AKAIN1: variants seen among roughly 807,000 people sequenced by gnomAD.
The protein encoded by AKAIN1 is A-kinase anchor protein inhibitor 1.
A neutral mutation model predicts 3.7 loss-of-function variants in AKAIN1; 3 were observed. The observed-to-expected ratio is 0.82, with a 90% confidence interval of 0.37 to 2.12. The LOEUF (loss-of-function observed/expected upper bound fraction) is 2.12, where lower values mean the gene tolerates loss of function less well. Among genes scored for constraint, AKAIN1 ranks in the 30% most tolerant of loss-of-function variants. The pLI is 0.06. For synonymous variants in AKAIN1, 31 were observed against 30.8 expected (o/e 1.01, Z -0.02); for missense variants, 82 against 82.7 (o/e 0.99, Z 0.03).
chr18:5,162,094 T>A (rs2071142781), intron 1 of AKAIN1, among the ~76,000 whole-genome samples: 1 of 152,040 alleles, frequency 6.6e-6, no homozygotes, highest in African/African-American at 2.4e-5. Flanking sequence ...CTGTATACTG[T>A]TAAAGAGATT....
intron 1 of AKAIN1, among the ~76,000 whole-genome samples, chr18:5,191,060 A>G (rs2071315526): frequency 6.6e-6 from 1 of 152,184 alleles, no homozygotes; most frequent in Non-Finnish European, 1.5e-5. Flanking sequence ...CAACAAAACA[A>G]AACTGCAGCT....
chr18:5,160,155 G>A (rs1014713641), intron 1 of AKAIN1, among the ~76,000 whole-genome samples: 1 of 152,120 alleles, frequency 6.6e-6, no homozygotes, highest in African/African-American at 2.4e-5. Flanking sequence ...GCTCAAATTC[G>A]CTAAGTATTG....
At chr18:5,183,475 T>C (rs545052876) in intron 1 of AKAIN1, among the ~76,000 whole-genome samples, 10 of 152,078 alleles carry the variant, frequency 6.6e-5, no homozygotes, top group Non-Finnish European at 1.0e-4. Context: ...TAAATGGTAA[T>C]GGAAAATCAG....
intron 1 of AKAIN1, among the ~76,000 whole-genome samples, chr18:5,161,143 T>C (rs947137226): frequency 1.3e-5 from 2 of 152,110 alleles, no homozygotes; most frequent in Non-Finnish European, 2.9e-5. Context: ...CTGGCTTCAC[T>C]TGGGAAAATT....
intron 1 of AKAIN1, among the ~76,000 whole-genome samples, chr18:5,184,809 C>CAATG (rs1311909627): frequency 1.3e-5 from 2 of 152,064 alleles, no homozygotes; most frequent in Middle Eastern, 3.2e-3. Flanking sequence ...ATCAAACTAC[C>CAATG]AATGACATTC....
chr18:5,159,586 G>C (rs1016509430), intron 1 of AKAIN1, among the ~76,000 whole-genome samples: 8 of 151,954 alleles, frequency 5.3e-5, no homozygotes, highest in Non-Finnish European at 1.0e-4. Context: ...GAACTGACTA[G>C]TTTAAGATAC....
intron 1 of AKAIN1, among the ~76,000 whole-genome samples, chr18:5,163,428 C>T (rs2071150522): frequency 6.6e-6 from 1 of 151,976 alleles, no homozygotes; most frequent in Non-Finnish European, 1.5e-5. Flanking sequence ...TGTAACAAAG[C>T]ACCCAGGTTC....
chr18:5,169,425 C>T (rs2071185092), intron 1 of AKAIN1, among the ~76,000 whole-genome samples: 1 of 152,024 alleles, frequency 6.6e-6, no homozygotes, highest in Admixed American at 6.6e-5. Context: ...ACAGCAAATA[C>T]AGCACATGCA....
chr18:5,184,954 G>T (rs2071278556), intron 1 of AKAIN1, among the ~76,000 whole-genome samples: 2 of 152,008 alleles, frequency 1.3e-5, no homozygotes, highest in Non-Finnish European at 2.9e-5. Flanking sequence ...ATACTACAAG[G>T]CTGCAAATAA....
At position 5,144,372 on chromosome 18, in the gene AKAIN1, A is replaced by T. The variant is rs917274596; in HGVS notation, c.*1190T>A. Among the ~76,000 whole-genome samples, 3 of 152,238 alleles carry T rather than the reference A, an allele frequency of 2.0e-5. No individual in the cohort carries two copies. The highest frequency in any genetic ancestry group is 4.4e-5 in the Non-Finnish European group (3 of 68,046). ...TTCTTCCTCTGTCCCCAATAGCACC[A>T]ATTCAATAACTTTTGTGAAGCCCAG... On this transcript the variant is annotated 3_prime_UTR_variant, in exon 2 of 2. Coordinates refer to ENST00000434239, the MANE Select transcript of AKAIN1 (RefSeq NM_001145194.2).
intron 1 of AKAIN1, among the ~76,000 whole-genome samples, chr18:5,173,314 A>T (rs947209181): frequency 6.6e-6 from 1 of 152,158 alleles, no homozygotes; most frequent in African/African-American, 2.4e-5. Context: ...TAGCTTTCCA[A>T]ATTTCTGTAA....
chr18:5,151,010 T>C lies in AKAIN1; in HGVS notation c.17-5255A>G, dbSNP rs73943123. Among the ~76,000 whole-genome samples, 764 of 152,196 alleles carry C rather than the reference T, an allele frequency of 5.0e-3. 11 individuals carry two copies. The highest frequency in any genetic ancestry group is 0.017 in the African/African-American group (721 of 41,506). On this transcript the variant is annotated intron_variant, in intron 1 of 1. Transcript: ENST00000434239. ...GTGATTTTTTTCTAGATTGCACAGA[T>C]AGGGCACCAGAGGTTGTATCACAAA...
intron 1 of AKAIN1, among the ~76,000 whole-genome samples, chr18:5,148,969 T>C (rs139646342): frequency 6.6e-6 from 1 of 152,302 alleles, no homozygotes; most frequent in East Asian, 1.9e-4. Flanking sequence ...AAGCCAAGGC[T>C]ACATTGAAAA....
At chr18:5,146,486 T>TA (rs1267070671) in intron 1 of AKAIN1, among the ~76,000 whole-genome samples, 2 of 152,208 alleles carry the variant, frequency 1.3e-5, no homozygotes, top group South Asian at 4.1e-4. Flanking sequence ...TGCAGCCAAA[T>TA]ACATGCCTAG....
rs552706252 is a variant in AKAIN1, at chr18:5,187,622, C to T, written c.16+9416G>A. Among the ~76,000 whole-genome samples, 3 of 152,260 alleles carry T rather than the reference C, an allele frequency of 2.0e-5. No individual in the cohort carries two copies. The South Asian group carries it at 6.2e-4, about 32-fold the overall frequency. ...AATGGCATTAACCCATTCATGAGGA[C>T]ACAAACTTCACAACTTAATTACCTG... On this transcript the variant is annotated intron_variant, in intron 1 of 1. Transcript: ENST00000434239.
chr18:5,170,652 T>C (rs1231910015), intron 1 of AKAIN1: 1 of 152,176 alleles, frequency 6.6e-6, no homozygotes, highest in Non-Finnish European at 1.5e-5. Flanking sequence ...AATATGCCTG[T>C]TTTCCCATTT....
At chr18:5,181,945 C>T (rs865894132) in intron 1 of AKAIN1, among the ~76,000 whole-genome samples, 30 of 152,060 alleles carry the variant, frequency 2.0e-4, no homozygotes, top group African/African-American at 7.2e-4. Context: ...ATACCCTCAC[C>T]AGAAAATCAT....
chr18:5,172,496 A>G (rs995431592), intron 1 of AKAIN1, among the ~76,000 whole-genome samples: 1 of 152,138 alleles, frequency 6.6e-6, no homozygotes, highest in Non-Finnish European at 1.5e-5. Flanking sequence ...TTTGATAATT[A>G]GTCATATTGA....
intron 1 of AKAIN1, among the ~76,000 whole-genome samples, chr18:5,148,898 A>G (rs1598304003): frequency 1.3e-5 from 2 of 152,130 alleles, no homozygotes; most frequent in Admixed American, 6.5e-5. Context: ...ATAAAACTCA[A>G]TAAGGTTCTA....
Sources: allele counts gnomAD v4.1 joint callset (sites outside exome capture counted in the v4.1 genomes callset), GRCh38; gene constraint gnomAD v4.1.1; transcripts MANE v1.5; gene names NCBI Gene and HGNC (gene_info 2026-07-23, HGNC 2026-07-21).